SLC35F3: variants seen among roughly 807,000 people sequenced by gnomAD.
SLC35F3 encodes the protein putative thiamine transporter SLC35F3.
Under a neutral mutation model 49.9 loss-of-function variants are expected in SLC35F3, and 25 were observed. The observed-to-expected ratio is 0.50, with a 90% CI of 0.37 to 0.70. The LOEUF (loss-of-function observed/expected upper bound fraction) is 0.70. Ranked by LOEUF, SLC35F3 falls within the 30% of genes least tolerant of loss-of-function variation. SLC35F3 has a pLI of 0.00. For synonymous variants in SLC35F3, 275 were observed against 265.4 expected, an observed-to-expected ratio of 1.04 and a Z score of -0.35; for missense variants, 525 against 639.8, an observed-to-expected ratio of 0.82 and a Z score of 1.94.
Position 234,079,740 on chromosome 1 carries a change from T to G in SLC35F3, c.284-151677T>G, listed in dbSNP as rs186417316. 3.9e-5 allele frequency among the ~76,000 whole-genome samples: 6 copies of G among 152,312 alleles called. No homozygotes were observed. In the East Asian group the frequency reaches 1.2e-3, roughly 29 times the overall value. On this transcript the variant is annotated intron_variant, in intron 2 of 7. Transcript: ENST00000366618. ...CCATTTATGATGACTAGAATAAAAC[T>G]TTCTTTAAAAAACTGAAAATAAGAA... is the stretch of plus-strand genomic sequence containing the variant.
At chr1:233,918,338 A>G (rs1662004001) in intron 2 of SLC35F3, among the ~76,000 whole-genome samples, 1 of 152,192 alleles carries the variant, frequency 6.6e-6, no homozygotes, top group South Asian at 2.1e-4. Context: ...GTGTGATAAC[A>G]GTTATCTTAT....
chr1:233,946,886 G>T (rs557666673), intron 2 of SLC35F3, among the ~76,000 whole-genome samples: 45 of 152,340 alleles, frequency 3.0e-4, no homozygotes, highest in African/African-American at 9.9e-4. Flanking sequence ...CTAGGAATGT[G>T]TGTGTGACCC....
chr1:234,193,472 A>T (rs941935954), intron 2 of SLC35F3, among the ~76,000 whole-genome samples: 3 of 152,216 alleles, frequency 2.0e-5, no homozygotes, highest in African/African-American at 4.8e-5. Context: ...TAAATCAAAG[A>T]TCTGAAACTA....
rs1429553366 is a variant in SLC35F3 at position 234,038,352 on chromosome 1, C to A, written c.283+132594C>A. ...TGTATATGTGCCACATTTTCTTAAT[C>A]CAGTCTATCATTGTTGGACATTTGA... On this transcript the variant is annotated intron_variant, in intron 2 of 7. Coordinates refer to ENST00000366618, the MANE Select transcript of SLC35F3 (RefSeq NM_173508.4). Among the ~76,000 whole-genome samples, 3 of 150,438 alleles carry A rather than the reference C, an allele frequency of 2.0e-5. No individual in the cohort carries two copies. The East Asian group carries it at 5.8e-4, about 29-fold the overall frequency.
chr1:234,020,473 A>C (rs4920166), intron 2 of SLC35F3, among the ~76,000 whole-genome samples: 22,750 of 151,916 alleles, frequency 0.15, 2,987 homozygotes, highest in African/African-American at 0.33. Flanking sequence ...ACTACCTTTT[A>C]TTTCTTTTTT....
chr1:234,132,995 G>T (rs1446832878), intron 2 of SLC35F3, among the ~76,000 whole-genome samples: 1 of 152,170 alleles, frequency 6.6e-6, no homozygotes, highest in Non-Finnish European at 1.5e-5. Flanking sequence ...CTATTATTGT[G>T]CCAGTTTTAT....
chr1:234,278,419 G>T (rs1668248699), intron 3 of SLC35F3, among the ~76,000 whole-genome samples: 1 of 151,662 alleles, frequency 6.6e-6, no homozygotes, highest in South Asian at 2.1e-4. Context: ...GAACCTGGGA[G>T]GCAGAGATTG....
At chr1:234,064,215 T>C (rs1427821281) in intron 2 of SLC35F3, among the ~76,000 whole-genome samples, 1 of 152,178 alleles carries the variant, frequency 6.6e-6, no homozygotes, top group Non-Finnish European at 1.5e-5. Context: ...AAGGACTGTG[T>C]GTTTCCCTTG....
intron 3 of SLC35F3, among the ~76,000 whole-genome samples, chr1:234,307,234 A>C (rs1558105823): frequency 6.6e-6 from 1 of 152,246 alleles, no homozygotes; most frequent in Non-Finnish European, 1.5e-5. Flanking sequence ...TAAAGCCAAA[A>C]TGGAATCAAT....
chr1:234,018,101 T>C (rs1663832133), intron 2 of SLC35F3, among the ~76,000 whole-genome samples: 1 of 152,108 alleles, frequency 6.6e-6, no homozygotes, highest in Non-Finnish European at 1.5e-5. Flanking sequence ...TGGCTTCAGC[T>C]GGAAAAATAC....
At chr1:234,284,214 C>T (rs1008022253) in intron 3 of SLC35F3, among the ~76,000 whole-genome samples, 1 of 152,144 alleles carries the variant, frequency 6.6e-6, no homozygotes, top group African/African-American at 2.4e-5. Flanking sequence ...CAGATAATAA[C>T]TTTTTAAGAT....
At chr1:234,103,036 A>G (rs1558230001) in intron 2 of SLC35F3, among the ~76,000 whole-genome samples, 1 of 152,232 alleles carries the variant, frequency 6.6e-6, no homozygotes, top group Non-Finnish European at 1.5e-5. Flanking sequence ...CTTTGGGAAA[A>G]AAACCATAAA....
rs34595275 is a variant in SLC35F3, at chr1:234,298,610, G to A, written c.609-10491G>A. On this transcript the variant is annotated intron_variant, in intron 3 of 7. Transcript: ENST00000366618. Reference sequence around the variant, plus strand: ...ATCTCCTAAGTATATTTTAAAATACGTAAATTTCTGTGCCCCATTCCAGAC... The same window carrying A: ...ATCTCCTAAGTATATTTTAAAATACATAAATTTCTGTGCCCCATTCCAGAC... Among the ~76,000 whole-genome samples, 900 of 152,214 alleles carry A rather than the reference G, an allele frequency of 5.9e-3. 8 individuals are homozygous for A. The highest frequency in any genetic ancestry group is 8.6e-3 in the Non-Finnish European group (585 of 68,012).
At chr1:234,185,356 C>G (rs550447832) in intron 2 of SLC35F3, among the ~76,000 whole-genome samples, 1 of 152,316 alleles carries the variant, frequency 6.6e-6, no homozygotes, top group South Asian at 2.1e-4. Context: ...TTGCTCAGCT[C>G]TTTGCTGGAC....
chr1:234,308,032 A>G (rs1042356105), intron 3 of SLC35F3, among the ~76,000 whole-genome samples: 1 of 152,118 alleles, frequency 6.6e-6, no homozygotes, highest in Non-Finnish European at 1.5e-5. Flanking sequence ...CCTTCCCCCT[A>G]GACTCTAGAA....
intron 2 of SLC35F3, among the ~76,000 whole-genome samples, chr1:234,021,540 A>G (rs773499293): frequency 1.3e-5 from 2 of 152,214 alleles, no homozygotes; most frequent in South Asian, 4.1e-4. Context: ...ACCACATGTG[A>G]TAATCAGGCC....
chr1:234,253,589 T>A (rs1667771889), intron 3 of SLC35F3, among the ~76,000 whole-genome samples: 1 of 152,158 alleles, frequency 6.6e-6, no homozygotes, highest in South Asian at 2.1e-4. Context: ...GTTAAATGCA[T>A]TATGTTGTCA....
chr1:234,098,331 A>G (rs1242677858), intron 2 of SLC35F3, among the ~76,000 whole-genome samples: 2 of 90,510 alleles, frequency 2.2e-5, no homozygotes, highest in Non-Finnish European at 4.3e-5. Context: ...GGAGGTGGTG[A>G]TTGTGTTGGT....
intron 2 of SLC35F3, among the ~76,000 whole-genome samples, chr1:234,090,753 C>A (rs1665031131): frequency 6.6e-6 from 1 of 152,174 alleles, no homozygotes; most frequent in African/African-American, 2.4e-5. Context: ...GTGGTCTCAA[C>A]CAGCTTGAAC....
Sources: allele counts gnomAD v4.1 joint callset (sites outside exome capture counted in the v4.1 genomes callset), GRCh38; gene constraint gnomAD v4.1.1; transcripts MANE v1.5; gene names NCBI Gene and HGNC (gene_info 2026-07-23, HGNC 2026-07-21).